LRRC37A2: variants seen among roughly 807,000 people sequenced by gnomAD.
LRRC37A2 encodes the protein leucine-rich repeat-containing protein 37A2.
Under a neutral mutation model 68.8 loss-of-function variants are expected in LRRC37A2, and 9 were observed. That is an observed-to-expected ratio of 0.13 (90% confidence interval 0.08 to 0.23). LRRC37A2 has a LOEUF of 0.23. Among genes scored for constraint, LRRC37A2 ranks in the 10% least tolerant of loss-of-function variants. The pLI is 1.00. For synonymous variants in LRRC37A2, 63 were observed against 367.6 expected (o/e 0.17, Z 9.48); for missense variants, 168 against 950.4 (o/e 0.18, Z 10.82).
At chr17:46,731,327 TG>T in the LRRC37A2 span, among the ~76,000 whole-genome samples, 1 of 152,078 alleles carries the variant, frequency 6.6e-6, no homozygotes, top group Non-Finnish European at 1.5e-5. Context: ...GGCCTAGGGC[TG>T]GGAGGGGAGA....
the LRRC37A2 span, among the ~76,000 whole-genome samples, chr17:46,405,649 A>G: frequency 6.5e-5 from 4 of 61,134 alleles, no homozygotes; most frequent in African/African-American, 2.5e-4. Flanking sequence ...GAGGCAGGAG[A>G]ATGACATGAA....
chr17:46,786,270 G>A, the LRRC37A2 span, among the ~76,000 whole-genome samples: 3 of 152,158 alleles, frequency 2.0e-5, no homozygotes, highest in African/African-American at 4.8e-5. Flanking sequence ...GAAGGAGGAG[G>A]ACAGGAGAAG....
the LRRC37A2 span, among the ~76,000 whole-genome samples, chr17:46,806,412 T>A: frequency 6.6e-6 from 1 of 152,114 alleles, no homozygotes; most frequent in Non-Finnish European, 1.5e-5. Context: ...TTTATCCATG[T>A]TGGTCAGGCT....
the LRRC37A2 span, chr17:46,714,072 A>G: frequency 3.7e-6 from 5 of 1,334,498 alleles, no homozygotes; most frequent in African/African-American, 3.0e-5. Context: ...ACATGTATAC[A>G]TATAAACCCA....
chr17:47,012,656 C>T, the LRRC37A2 span, among the ~76,000 whole-genome samples: 44 of 152,266 alleles, frequency 2.9e-4, no homozygotes, highest in Non-Finnish European at 4.9e-4. Flanking sequence ...CCAGGAAATG[C>T]AAATCAAAAC....
At chr17:47,018,743 G>A in the LRRC37A2 span, 2 of 1,521,024 alleles carry the variant, frequency 1.3e-6, no homozygotes, top group South Asian at 2.2e-5. Flanking sequence ...CCCATCAGGA[G>A]GCCCCAGCTC....
chr17:46,976,061 C>G, the LRRC37A2 span, among the ~76,000 whole-genome samples: 4 of 151,746 alleles, frequency 2.6e-5, no homozygotes, highest in East Asian at 6.0e-4. Context: ...CAAGTAGCTG[C>G]GACTACAGGT....
At chr17:46,970,418 G>A in the LRRC37A2 span, among the ~76,000 whole-genome samples, 2 of 150,448 alleles carry the variant, frequency 1.3e-5, no homozygotes, top group African/African-American at 2.4e-5. Flanking sequence ...GTGGACACCT[G>A]TTATCCCAGC....
the LRRC37A2 span, among the ~76,000 whole-genome samples, chr17:46,716,582 T>C: frequency 1.3e-5 from 2 of 152,104 alleles, no homozygotes; most frequent in Non-Finnish European, 1.5e-5. Flanking sequence ...AGTGTGAGGA[T>C]GGAAAGAAGA....
the LRRC37A2 span, among the ~76,000 whole-genome samples, chr17:46,492,800 T>C: frequency 6.7e-6 from 1 of 148,456 alleles, no homozygotes; most frequent in Non-Finnish European, 1.5e-5. Flanking sequence ...TTCATGCCAT[T>C]CTCCTGCCTC....
the LRRC37A2 span, among the ~76,000 whole-genome samples, chr17:46,838,042 T>C: frequency 7.9e-5 from 12 of 152,118 alleles, no homozygotes; most frequent in Admixed American, 7.9e-4. Flanking sequence ...AGGCCATTGC[T>C]CCAACCCCTG....
chr17:46,911,881 T>A, the LRRC37A2 span, among the ~76,000 whole-genome samples: 5 of 152,084 alleles, frequency 3.3e-5, no homozygotes, highest in African/African-American at 1.2e-4. Context: ...AGACTCCGTC[T>A]CAAAATAAAT....
chr17:46,850,138 A>G, the LRRC37A2 span, among the ~76,000 whole-genome samples: 1 of 152,156 alleles, frequency 6.6e-6, no homozygotes, highest in Non-Finnish European at 1.5e-5. Context: ...GCATGAGCCA[A>G]CGTGCCTGGC....
At chr17:46,769,401 T>C in the LRRC37A2 span, among the ~76,000 whole-genome samples, 1,767 of 152,010 alleles carry the variant, frequency 0.012, 15 homozygotes, top group Middle Eastern at 0.024. Flanking sequence ...GGCTGGGAAC[T>C]TAACGTGACT....
chr17:46,920,006 G>A, the LRRC37A2 span, among the ~76,000 whole-genome samples: 2 of 151,970 alleles, frequency 1.3e-5, no homozygotes, highest in African/African-American at 4.8e-5. Flanking sequence ...ACCTTTCTTC[G>A]ACTACTATTA....
At chr17:46,543,501 C>T (rs1018843604) in intron 8 of LRRC37A2, among the ~76,000 whole-genome samples, 3 of 150,794 alleles carry the variant, frequency 2.0e-5, no homozygotes, top group African/African-American at 5.0e-5. Context: ...GTATACGGAC[C>T]GCATAGTAGA....
At chr17:46,904,318 AGATGGGTGGATGGATGGGGTG>A in the LRRC37A2 span, among the ~76,000 whole-genome samples, 2 of 145,162 alleles carry the variant, frequency 1.4e-5, no homozygotes, top group Non-Finnish European at 3.0e-5. Flanking sequence ...ATGGATAGGT[AGATGGGTGGATGGATGGGGTG>A]GATGGGTGGA....
the LRRC37A2 span, among the ~76,000 whole-genome samples, chr17:46,792,168 A>C: frequency 6.6e-6 from 1 of 152,272 alleles, no homozygotes; most frequent in East Asian, 1.9e-4. Flanking sequence ...GTCAGTGCAC[A>C]TTAGCCCCAG....
At chr17:46,625,996 G>GTT in the LRRC37A2 span, among the ~76,000 whole-genome samples, 3 of 144,580 alleles carry the variant, frequency 2.1e-5, no homozygotes, top group Non-Finnish European at 4.5e-5. Flanking sequence ...TGAGAGGACT[G>GTT]TTTTTTTTTT....
Sources: allele counts gnomAD v4.1 joint callset (sites outside exome capture counted in the v4.1 genomes callset), GRCh38; gene constraint gnomAD v4.1.1; transcripts MANE v1.5; gene names NCBI Gene and HGNC (gene_info 2026-07-23, HGNC 2026-07-21).